AGBL4: variants seen among roughly 807,000 people sequenced by gnomAD.
AGBL4 encodes AGBL carboxypeptidase 4, also known as cytosolic carboxypeptidase 6.
In AGBL4, 58 loss-of-function variants were observed where a neutral mutation model predicts 66.4. The ratio of observed to expected loss-of-function variants is 0.87; its 90% CI spans 0.71 to 1.09. The LOEUF is 1.09. Among genes scored for constraint, AGBL4 ranks in the 50% least tolerant of loss-of-function variants. AGBL4 has a pLI of 0.00. For synonymous variants in AGBL4, 234 were observed against 222.9 expected (o/e 1.05, Z -0.44); for missense variants, 579 against 631.0 (o/e 0.92, Z 0.88).
At chr1:49,737,713 T>C (rs1650016827) in intron 2 of AGBL4, among the ~76,000 whole-genome samples, 1 of 152,226 alleles carries the variant, frequency 6.6e-6, no homozygotes, top group Admixed American at 6.5e-5. Flanking sequence ...ATCCTAGTAA[T>C]TCCTTATCGG....
At chr1:49,904,116 G>C (rs1650035561) in intron 1 of AGBL4, among the ~76,000 whole-genome samples, 1 of 152,026 alleles carries the variant, frequency 6.6e-6, no homozygotes, top group Non-Finnish European at 1.5e-5. Context: ...AAATACTCCT[G>C]CTCTTTCCAC....
intron 3 of AGBL4, among the ~76,000 whole-genome samples, chr1:49,338,735 G>A (rs543251839): frequency 7.2e-5 from 11 of 152,278 alleles, no homozygotes; most frequent in South Asian, 6.2e-4. Flanking sequence ...TATCTGCTCC[G>A]ATGATCAGAA....
intron 1 of AGBL4, among the ~76,000 whole-genome samples, chr1:49,870,284 T>C (rs1646806306): frequency 6.6e-6 from 1 of 152,102 alleles, no homozygotes; most frequent in Non-Finnish European, 1.5e-5. Flanking sequence ...TATAAAGAAA[T>C]GGAATTGACA....
intron 6 of AGBL4, among the ~76,000 whole-genome samples, chr1:48,807,964 G>C (rs541504181): frequency 6.6e-6 from 1 of 152,220 alleles, no homozygotes; most frequent in East Asian, 1.9e-4. Context: ...GCAGAGCACT[G>C]GTATCTGAGG....
intron 4 of AGBL4, among the ~76,000 whole-genome samples, chr1:49,115,737 C>G (rs769349898): frequency 6.6e-6 from 1 of 152,024 alleles, no homozygotes; most frequent in South Asian, 2.1e-4. Flanking sequence ...TTATTCAACA[C>G]GAAGTTAATT....
chr1:49,116,209 T>A (rs912409893), intron 4 of AGBL4, among the ~76,000 whole-genome samples: 1 of 152,080 alleles, frequency 6.6e-6, no homozygotes, highest in East Asian at 1.9e-4. Context: ...TTGGCAACAT[T>A]TTTCTTCTTT....
chr1:49,960,955 T>C (rs1657072744), intron 1 of AGBL4, among the ~76,000 whole-genome samples: 1 of 152,036 alleles, frequency 6.6e-6, no homozygotes, highest in Non-Finnish European at 1.5e-5. Flanking sequence ...ACACTCAGTA[T>C]TTAATAGAGT....
rs79490053 is a variant in AGBL4 at position 49,314,339 on chromosome 1, C to T, written c.283-68475G>A. 7.9e-4 allele frequency among the ~76,000 whole-genome samples: 120 copies of T among 152,070 alleles called. 5 individuals carry two copies. In the East Asian group the frequency reaches 0.019, roughly 24 times the overall value. On this transcript the variant is annotated intron_variant, in intron 3 of 13. Transcript: ENST00000371839. The stretch of plus-strand genomic sequence containing the variant: ...TGGTGGTTTGCTGCACCTATTAACT[C>T]GTCATCTACATTAGGTATTTCTCCT...
At chr1:49,882,060 T>A (rs1156627063) in intron 1 of AGBL4, among the ~76,000 whole-genome samples, 5 of 152,286 alleles carry the variant, frequency 3.3e-5, no homozygotes, top group African/African-American at 1.2e-4. Flanking sequence ...GAATTGATTT[T>A]CATATAAGGT....
At chr1:48,822,115 AAAT>A (rs1646328620) in intron 6 of AGBL4, among the ~76,000 whole-genome samples, 1 of 152,190 alleles carries the variant, frequency 6.6e-6, no homozygotes, top group African/African-American at 2.4e-5. Context: ...AGGAGTTATA[AAAT>A]GATACAAACA....
At chr1:49,856,857 G>A (rs1368597834) in intron 1 of AGBL4, among the ~76,000 whole-genome samples, 1 of 151,922 alleles carries the variant, frequency 6.6e-6, no homozygotes, top group Non-Finnish European at 1.5e-5. Flanking sequence ...TACTCAACAT[G>A]GTACTGGATG....
intron 3 of AGBL4, among the ~76,000 whole-genome samples, chr1:49,350,821 A>G (rs1645738565): frequency 6.6e-6 from 1 of 151,584 alleles, no homozygotes; most frequent in Non-Finnish European, 1.5e-5. Context: ...TGTTCTCAAT[A>G]GGACCAGGAC....
chr1:48,660,109 C>T (rs577482220), intron 7 of AGBL4, among the ~76,000 whole-genome samples: 4 of 152,322 alleles, frequency 2.6e-5, no homozygotes, highest in Admixed American at 1.3e-4. Context: ...TGACCTCTCC[C>T]GTAGTCACTG....
At chr1:49,286,931 C>T (rs1443981801) in intron 3 of AGBL4, among the ~76,000 whole-genome samples, 5 of 152,084 alleles carry the variant, frequency 3.3e-5, no homozygotes, top group Non-Finnish European at 7.4e-5. Context: ...AAGAACAAAG[C>T]TGGAGGCATC....
intron 3 of AGBL4, among the ~76,000 whole-genome samples, chr1:49,688,764 A>G (rs1424412189): frequency 1.3e-5 from 2 of 152,082 alleles, no homozygotes; most frequent in Non-Finnish European, 2.9e-5. Flanking sequence ...GATATAAGCT[A>G]TTTTAACTGA....
chr1:48,929,631 C>A (rs1312356448), intron 5 of AGBL4, among the ~76,000 whole-genome samples: 2 of 152,116 alleles, frequency 1.3e-5, no homozygotes, highest in Admixed American at 6.6e-5. Context: ...AGGCAGAGAT[C>A]ATGTGTTTCC....
intron 4 of AGBL4, among the ~76,000 whole-genome samples, chr1:49,134,301 C>T (rs1371009075): frequency 2.0e-5 from 3 of 152,072 alleles, no homozygotes; most frequent in African/African-American, 4.8e-5. Context: ...CACACATTGT[C>T]ATTGATAAAC....
intron 3 of AGBL4, among the ~76,000 whole-genome samples, chr1:49,507,178 C>CT (rs1453332286): frequency 6.6e-6 from 1 of 151,970 alleles, no homozygotes; most frequent in Admixed American, 6.6e-5. Context: ...CCAGAGACAA[C>CT]TGGGAGAGAG....
In AGBL4 at chr1:49,175,257, G is replaced by A. The variant is rs534026702; in HGVS notation, c.377+70513C>T. On this transcript the variant is annotated intron_variant, in intron 4 of 13. Coordinates refer to ENST00000371839, the MANE Select transcript of AGBL4 (RefSeq NM_032785.4). ...AGGAGGGAAATGGGCATATAAGGGG[G>A]ATCAGGGGCATTGAAAGGATATTAG... Among the ~76,000 whole-genome samples, 5 of 152,088 alleles carry A rather than the reference G, an allele frequency of 3.3e-5. No individual in the cohort carries two copies. In the South Asian group the frequency reaches 6.2e-4, roughly 19 times the overall value.
Sources: gnomAD v4.1 joint callset for allele counts (sites outside exome capture counted in the v4.1 genomes callset) on GRCh38, gnomAD v4.1.1 for gene constraint, MANE v1.5 for transcripts, NCBI Gene and HGNC (gene_info 2026-07-23, HGNC 2026-07-21) for gene names.